Variants in MYO3B observed in about 807,000 individuals in gnomAD.
MYO3B encodes myosin IIIB.
MYO3B carries 156 observed loss-of-function variants against 174.6 expected under a neutral mutation model. The observed-to-expected ratio is 0.89, with a 90% CI of 0.78 to 1.02. MYO3B has a LOEUF of 1.02. Ranked by LOEUF, MYO3B falls within the 50% of genes least tolerant of loss-of-function variation. MYO3B has a pLI of 0.00. For synonymous variants in MYO3B, 563 were observed against 569.1 expected (o/e 0.99, Z 0.15); for missense variants, 1,632 against 1,639.4 (o/e 1.00, Z 0.08).
At chr2:170,588,783 A>G (rs1411722984) in intron 32 of MYO3B, among the ~76,000 whole-genome samples, 1 of 152,196 alleles carries the variant, frequency 6.6e-6, no homozygotes, top group African/African-American at 2.4e-5. Context: ...CTGAGAAAAC[A>G]CTGATGCAAT....
chr2:170,402,444 A>G (rs971630141), intron 18 of MYO3B, among the ~76,000 whole-genome samples: 3 of 152,178 alleles, frequency 2.0e-5, no homozygotes, highest in Non-Finnish European at 2.9e-5. Context: ...TCCTAGGCGT[A>G]GTGGTTTCCT....
At chr2:170,511,948 G>A (rs1437690963) in intron 28 of MYO3B, among the ~76,000 whole-genome samples, 3 of 152,124 alleles carry the variant, frequency 2.0e-5, no homozygotes, top group African/African-American at 7.2e-5. Context: ...ATGGATTGAC[G>A]GTCCCTAGAT....
At chr2:170,193,100 T>C (rs1447690475) in intron 1 of MYO3B, among the ~76,000 whole-genome samples, 1 of 151,948 alleles carries the variant, frequency 6.6e-6, no homozygotes, top group African/African-American at 2.4e-5. Flanking sequence ...GCTGACAATG[T>C]CTTTTACTAT....
At chr2:170,286,150 C>T (rs1518725) in intron 7 of MYO3B, among the ~76,000 whole-genome samples, 125,515 of 152,162 alleles carry the variant, frequency 0.82, 52,261 homozygotes, top group East Asian at 0.96. Context: ...TAATAAGCCA[C>T]ATCATGAAGT....
chr2:170,420,326 A>C (rs1289180284), intron 22 of MYO3B, among the ~76,000 whole-genome samples: 1 of 152,234 alleles, frequency 6.6e-6, no homozygotes, highest in East Asian at 1.9e-4. Flanking sequence ...TGCCATCTTC[A>C]TAGAAAGCTG....
At chr2:170,323,239 C>G (rs922457860) in intron 7 of MYO3B, among the ~76,000 whole-genome samples, 1 of 152,178 alleles carries the variant, frequency 6.6e-6, no homozygotes, top group African/African-American at 2.4e-5. Context: ...AGCTAAATGA[C>G]AGAAAACACG....
chr2:170,600,904 C>T (rs181348700), intron 32 of MYO3B, among the ~76,000 whole-genome samples: 1 of 152,310 alleles, frequency 6.6e-6, no homozygotes, highest in East Asian at 1.9e-4. Context: ...AGATTGATTA[C>T]TTATCAGTTT....
chr2:170,440,798 G>GT (rs745789992), intron 22 of MYO3B, among the ~76,000 whole-genome samples: 3,974 of 99,038 alleles, frequency 0.04, 102 homozygotes, highest in African/African-American at 0.074. Flanking sequence ...TTGGGTGTTG[G>GT]TTTTTTTTTT....
At chr2:170,362,630 C>T (rs886177319) in intron 8 of MYO3B, among the ~76,000 whole-genome samples, 3 of 152,176 alleles carry the variant, frequency 2.0e-5, no homozygotes, top group Non-Finnish European at 4.4e-5. Flanking sequence ...ATAGACCTGC[C>T]TAACTGAGTA....
chr2:170,281,335 G>A (rs2093508162), intron 7 of MYO3B, among the ~76,000 whole-genome samples: 1 of 151,976 alleles, frequency 6.6e-6, no homozygotes, highest in South Asian at 2.1e-4. Flanking sequence ...TTGTCTAATG[G>A]CATGTACTCT....
chr2:170,535,467 A>G (rs1286545443), intron 30 of MYO3B, among the ~76,000 whole-genome samples: 2 of 152,094 alleles, frequency 1.3e-5, no homozygotes, highest in Non-Finnish European at 2.9e-5. Context: ...CTCCTAGCAA[A>G]TTTTCTAGAA....
chr2:170,404,104 G>C, intron 19 of MYO3B, 143 bp from the exon 20 acceptor site: 2 of 815,550 alleles, frequency 2.5e-6, no homozygotes, highest in East Asian at 2.6e-5. Context: ...ATATGCAGAA[G>C]ATTCCTTTAT....
At chr2:170,466,408 G>A (rs898849279) in intron 24 of MYO3B, 98 bp from the exon 25 acceptor site, 13 of 1,066,282 alleles carry the variant, frequency 1.2e-5, no homozygotes, top group Admixed American at 1.0e-4. Flanking sequence ...GAAGGTCTGT[G>A]AGCCTCGAAC....
intron 32 of MYO3B, among the ~76,000 whole-genome samples, chr2:170,625,921 G>A (rs1016220125): frequency 3.3e-5 from 5 of 152,328 alleles, no homozygotes; most frequent in African/African-American, 1.2e-4. Flanking sequence ...CTGAGAGACA[G>A]TTTGTTATAA....
chr2:170,501,777 A>T lies in MYO3B; in HGVS notation c.3290-8A>T. 1.9e-6 allele frequency: 3 copies of T among 1,596,190 alleles called. No homozygotes were observed. The highest frequency in any genetic ancestry group is 2.6e-6 in the Non-Finnish European group (3 of 1,164,424). ...TGTCATTCCTAGCACATGGTTTTAT[A>T]TTTTTAGCCTGGAGAGGATATGATG... On this transcript the variant is annotated splice_region_variant and splice_polypyrimidine_tract_variant and intron_variant, in intron 27 of 34. Transcript: ENST00000408978.
At chr2:170,354,852 C>T (rs780028486) in intron 8 of MYO3B, among the ~76,000 whole-genome samples, 4 of 151,434 alleles carry the variant, frequency 2.6e-5, no homozygotes, top group South Asian at 2.1e-4. Flanking sequence ...TCTATTTGGC[C>T]GTCAGTGTCT....
intron 23 of MYO3B, among the ~76,000 whole-genome samples, chr2:170,456,268 G>A (rs1559018618): frequency 6.6e-6 from 1 of 152,182 alleles, no homozygotes. Flanking sequence ...ACAGTGGTTT[G>A]GGACAAGTCT....
chr2:170,440,946 C>T (rs534629947), intron 22 of MYO3B, among the ~76,000 whole-genome samples: 17 of 151,208 alleles, frequency 1.1e-4, no homozygotes, highest in East Asian at 9.9e-4. Flanking sequence ...AGATTACAGG[C>T]GCGTGCCACC....
intron 7 of MYO3B, among the ~76,000 whole-genome samples, chr2:170,284,717 C>T (rs1559358998): frequency 6.6e-6 from 1 of 152,086 alleles, no homozygotes; most frequent in African/African-American, 2.4e-5. Flanking sequence ...TTCAAAATAA[C>T]GTTTTGAGAA....
Sources: gnomAD v4.1 joint callset for allele counts (sites outside exome capture counted in the v4.1 genomes callset) on GRCh38, gnomAD v4.1.1 for gene constraint, MANE v1.5 for transcripts, NCBI Gene and HGNC (gene_info 2026-07-23, HGNC 2026-07-21) for gene names.